The following TACC2 variants were observed in gnomAD, a reference collection of about 807,000 sequenced individuals.
The protein encoded by TACC2 is transforming acidic coiled-coil containing protein 2, also known as transforming acidic coiled-coil-containing protein 2.
Under a neutral mutation model 227.3 loss-of-function variants are expected in TACC2, and 137 were observed. The observed-to-expected ratio is 0.60, with a 90% CI of 0.52 to 0.69. The LOEUF (loss-of-function observed/expected upper bound fraction) is 0.69, where lower values mean the gene tolerates loss of function less well. TACC2 is among the 30% of genes least tolerant of loss of function. The pLI is 0.00. For synonymous variants in TACC2, 1,523 were observed against 1,487.5 expected, an observed-to-expected ratio of 1.02 and a Z score of -0.55; for missense variants, 3,470 against 3,694.4, an observed-to-expected ratio of 0.94 and a Z score of 1.57.
chr10:122,073,710 T>C (rs1267997217), intron 3 of TACC2, among the ~76,000 whole-genome samples: 1 of 152,192 alleles, frequency 6.6e-6, no homozygotes, highest in African/African-American at 2.4e-5. Context: ...AATCCTGCGG[T>C]AGAAAAGCTT....
In TACC2 at chr10:122,082,991, AC is replaced by A. The variant is rs750447544; in HGVS notation, c.493del (p.Gln165LysfsTer45). The A allele has an allele frequency of 1.2e-6, 2 of 1,612,638 alleles. No homozygotes were observed. Among genetic ancestry groups the A allele is most frequent in the African/African-American group, 2.7e-5 (2 of 74,914 alleles). ...FPAERDSSTP[Y>X]QEIAAVPSAG... ...GCTGAGAGGGACAGCTCTACTCCAT[AC>A]CAAGAGATTGCTGCCGTCCCCAGTG... On this transcript the variant is annotated frameshift_variant, in exon 4 of 23. Coordinates refer to ENST00000369005, the MANE Select transcript of TACC2 (RefSeq NM_206862.4). LOFTEE classifies it high-confidence loss of function.
At chr10:122,178,932 A>G (rs2093855885) in intron 7 of TACC2, among the ~76,000 whole-genome samples, 1 of 152,204 alleles carries the variant, frequency 6.6e-6, no homozygotes, top group Non-Finnish European at 1.5e-5. Flanking sequence ...TTACATTACA[A>G]TTCCAAGTGA....
chr10:122,194,268 C>T lies in TACC2; in HGVS notation c.5835-772C>T, dbSNP rs1413667890. Among the ~76,000 whole-genome samples the T allele has an allele frequency of 6.6e-6, 1 of 152,208 alleles. No individual in the cohort carries two copies. The highest frequency in any genetic ancestry group is 2.4e-5 in the African/African-American group (1 of 41,458). ...CAGGCCAAGGCTTGGCCAGTGGCCT[C>T]TCCTTGTTAGTGGGCAGAGTTTCTC... On this transcript the variant is annotated intron_variant, in intron 7 of 22. Coordinates refer to ENST00000369005, the MANE Select transcript of TACC2 (RefSeq NM_206862.4). The surrounding 1 kb of genome is among the most constrained non-coding windows in gnomAD (Gnocchi z 4.4).
chr10:122,021,099 G>C (rs1313526920), intron 1 of TACC2, among the ~76,000 whole-genome samples: 3 of 152,042 alleles, frequency 2.0e-5, no homozygotes, highest in Non-Finnish European at 4.4e-5. Flanking sequence ...GTGTGGTGGC[G>C]GGCGTCTGTA....
intron 1 of TACC2, among the ~76,000 whole-genome samples, chr10:122,008,665 C>T (rs113643608): frequency 3.3e-5 from 5 of 152,238 alleles, no homozygotes; most frequent in South Asian, 2.1e-4. Context: ...CTCTGCCTCC[C>T]GGGTTCATGC....
At chr10:122,100,169 C>T (rs1489421706) in intron 5 of TACC2, among the ~76,000 whole-genome samples, 1 of 151,332 alleles carries the variant, frequency 6.6e-6, no homozygotes, top group Non-Finnish European at 1.5e-5. Flanking sequence ...GAGGCTGAGA[C>T]AGGAGAATCG....
chr10:122,117,724 A>G (rs111814717), intron 5 of TACC2, among the ~76,000 whole-genome samples: 76 of 152,282 alleles, frequency 5.0e-4, no homozygotes, highest in African/African-American at 1.7e-3. Context: ...TAGTGTCTGC[A>G]TCATTTAGAA....
intron 12 of TACC2, 50 bp downstream of exon 12, chr10:122,224,837 A>AG (rs760065814): frequency 6.8e-7 from 1 of 1,476,978 alleles, no homozygotes; most frequent in Non-Finnish European, 9.5e-7. Context: ...TCCTGCCTTC[A>AG]GGGGCCTCCT....
At chr10:121,992,013 G>A (rs1284142636) in intron 1 of TACC2, among the ~76,000 whole-genome samples, 1 of 152,102 alleles carries the variant, frequency 6.6e-6, no homozygotes, top group African/African-American at 2.4e-5. Context: ...GAACAACATG[G>A]GAAAGACCTG....
intron 7 of TACC2, among the ~76,000 whole-genome samples, chr10:122,144,403 T>C (rs546196581): frequency 6.6e-6 from 1 of 152,354 alleles, no homozygotes; most frequent in East Asian, 1.9e-4. Flanking sequence ...CCTGTTTCCA[T>C]GCAAGCAGTT....
In TACC2 at chr10:122,144,232, G is replaced by A. The variant is rs192928603; in HGVS notation, c.5834+526G>A. Among the ~76,000 whole-genome samples the A allele has an allele frequency of 4.6e-5, 7 of 152,180 alleles. No individual in the cohort carries two copies. In the East Asian group the frequency reaches 1.4e-3, roughly 29 times the overall value. On this transcript the variant is annotated intron_variant, in intron 7 of 22. Transcript: ENST00000369005. ...TGGGATGAGGTCCACCCACATTATA[G>A]GAGGTAATCAGCTTTACTCAAAATC...
In TACC2 at chr10:122,049,741, T is replaced by A. The variant is rs1049708632; in HGVS notation, c.34-697T>A. 4.6e-5 allele frequency among the ~76,000 whole-genome samples: 7 copies of A among 152,122 alleles called. No homozygotes were observed. In the East Asian group the frequency reaches 7.7e-4, roughly 17 times the overall value. The stretch of plus-strand genomic sequence containing the variant: ...TAAATGAGGTTCTGTTTTTTTTTTT[T>A]AATTTTAAATCTCATCTCTGTCCTG... On this transcript the variant is annotated intron_variant, in intron 2 of 22. Transcript: ENST00000369005.
chr10:122,061,713 C>T (rs937021146), intron 3 of TACC2, among the ~76,000 whole-genome samples: 1 of 152,170 alleles, frequency 6.6e-6, no homozygotes, highest in South Asian at 2.1e-4. Flanking sequence ...ACCAGAGGCA[C>T]GAAGATGAGC....
Position 122,082,785 on chromosome 10 carries a change from GCCCAGCCCACCACCGT to G in TACC2, c.291_306del (p.Ser97ArgfsTer108). The G allele has an allele frequency of 6.2e-7, 1 of 1,613,818 alleles. No individual in the cohort carries two copies. The highest frequency in any genetic ancestry group is 8.5e-7 in the Non-Finnish European group (1 of 1,179,992). On this transcript the variant is annotated frameshift_variant, in exon 4 of 23. Transcript: ENST00000369005. LOFTEE classifies it high-confidence loss of function. ...CCAGGGGGCCAGAAGGTTCTTTGCT[GCCCAGCCCACCACCGT>G]CCCAGGAGCGAGAGCACCCCTCGTC...
chr10:122,165,955 C>G (rs892393331), intron 7 of TACC2, among the ~76,000 whole-genome samples: 1 of 152,190 alleles, frequency 6.6e-6, no homozygotes, highest in African/African-American at 2.4e-5. Flanking sequence ...AATATATATT[C>G]GGAGAGTGCC....
chr10:122,047,656 G>A (rs2075179450), intron 2 of TACC2, among the ~76,000 whole-genome samples: 1 of 152,196 alleles, frequency 6.6e-6, no homozygotes, highest in Admixed American at 6.5e-5. Flanking sequence ...ACTGCTGTGT[G>A]GTCTTGGCCC....
chr10:122,129,061 AT>A (rs1555055876), intron 5 of TACC2, among the ~76,000 whole-genome samples: 1 of 6,730 alleles, frequency 1.5e-4, no homozygotes, highest in African/African-American at 2.0e-4. Flanking sequence ...TCTTATTTTA[AT>A]TATTATTATT....
chr10:122,181,321 G>A (rs982540770), intron 7 of TACC2, among the ~76,000 whole-genome samples: 1 of 152,106 alleles, frequency 6.6e-6, no homozygotes, highest in African/African-American at 2.4e-5. Context: ...ATGAATCATT[G>A]GTACAGCTGT....
intron 2 of TACC2, among the ~76,000 whole-genome samples, chr10:122,035,009 T>G (rs1450607476): frequency 1.3e-5 from 2 of 151,826 alleles, no homozygotes; most frequent in African/African-American, 4.8e-5. Context: ...TTCAGTTTTG[T>G]GTATGGTGGA....
Sources: allele counts gnomAD v4.1 joint callset (sites outside exome capture counted in the v4.1 genomes callset), GRCh38; gene constraint gnomAD v4.1.1; non-coding constraint Gnocchi (gnomAD v3.1); transcripts MANE v1.5; gene names NCBI Gene and HGNC (gene_info 2026-07-23, HGNC 2026-07-21).